The following EZH1 variants were observed in gnomAD, a reference collection of about 807,000 sequenced individuals.
The protein encoded by EZH1 is enhancer of zeste 1 polycomb repressive complex 2 subunit.
A neutral mutation model predicts 100.5 loss-of-function variants in EZH1; 33 were observed. That is an observed-to-expected ratio of 0.33 (90% CI 0.25 to 0.44). The LOEUF (loss-of-function observed/expected upper bound fraction) is 0.44. Among genes scored for constraint, EZH1 ranks in the 20% least tolerant of loss-of-function variants. EZH1 has a pLI of 1.00. For missense variants in EZH1, 475 were observed against 928.4 expected (o/e 0.51, Z 6.35); for synonymous variants, 272 against 313.8 (o/e 0.87, Z 1.41).
intron 1 of EZH1, among the ~76,000 whole-genome samples, chr17:42,733,366 G>A (rs1163626578): frequency 2.0e-5 from 3 of 151,006 alleles, no homozygotes; most frequent in Non-Finnish European, 2.9e-5. Context: ...GTCTGGGCGC[G>A]GTGGCTCACG....
chr17:42,717,848 G>C (rs1406242836), intron 10 of EZH1, 128 bp downstream of exon 10: 2 of 748,100 alleles, frequency 2.7e-6, no homozygotes, highest in Non-Finnish European at 4.5e-6. Flanking sequence ...ACAGTAACTG[G>C]GGAGCTCCTT....
At chr17:42,714,588 G>A in intron 10 of EZH1, 1 of 322,032 alleles carries the variant, frequency 3.1e-6, no homozygotes, top group South Asian at 3.1e-5. Flanking sequence ...TCCTTAGCAA[G>A]CAGCAGAAAA....
At position 42,722,390 on chromosome 17, in the gene EZH1, C is replaced by A. The variant is rs141212326; in HGVS notation, c.487+405G>T. Among the ~76,000 whole-genome samples, 473 of 151,578 alleles carry A rather than the reference C, an allele frequency of 3.1e-3. 4 individuals are homozygous for A. The highest frequency in any genetic ancestry group is 0.011 in the African/African-American group (457 of 41,334). On this transcript the variant is annotated intron_variant, in intron 6 of 20. Coordinates refer to ENST00000428826, the MANE Select transcript of EZH1 (RefSeq NM_001991.5). ...CTATAATCCCAGCACTTTAGGAGGC[C>A]GAGATAGGTGGATCACCTGAGGTCA...
At chr17:42,717,751 C>T (rs1163634752) in intron 10 of EZH1, among the ~76,000 whole-genome samples, 3 of 152,166 alleles carry the variant, frequency 2.0e-5, no homozygotes, top group Non-Finnish European at 2.9e-5. Flanking sequence ...TTAGAGCAGG[C>T]AAGCCTTTAA....
intron 1 of EZH1, among the ~76,000 whole-genome samples, chr17:42,732,973 A>C (rs866642718): frequency 3.3e-5 from 5 of 149,408 alleles, no homozygotes; most frequent in African/African-American, 9.9e-5. Context: ...CATGCCTATA[A>C]TTTCAACACT....
In EZH1 at chr17:42,744,994, C is replaced by G. The variant is rs1003094448; in HGVS notation, c.-103+17G>C. On this transcript the variant is annotated intron_variant, in intron 1 of 20. Coordinates refer to ENST00000428826, the MANE Select transcript of EZH1 (RefSeq NM_001991.5). ...GCCCGGCCCCACCGCCCGGCCCAGG[C>G]TTGTTTACTCACTCACCCTCCATCC... 8.8e-5 allele frequency: 112 copies of G among 1,274,686 alleles called. No homozygotes were observed. In the African/African-American group the frequency reaches 1.6e-3, roughly 18 times the overall value. The allele number at this position is 1,274,686 out of a possible 1,614,324, so 79.0% of individuals were successfully genotyped here. A position where few individuals can be genotyped will look rare whatever the true frequency, so the allele number is the denominator to read the frequency against.
At chr17:42,730,542 G>A (rs2053922321) in intron 2 of EZH1, among the ~76,000 whole-genome samples, 1 of 131,532 alleles carries the variant, frequency 7.6e-6, no homozygotes, top group African/African-American at 3.0e-5. Flanking sequence ...TGTCGCCCAG[G>A]CTGGAGTGCA....
rs773788984 is a variant in EZH1, at chr17:42,720,357, G to A, written c.580C>T (p.His194Tyr). 1 of 1,614,018 alleles carries A rather than the reference G, an allele frequency of 6.2e-7. No individual in the cohort carries two copies. Among genetic ancestry groups the A allele is most frequent in the Non-Finnish European group, 8.5e-7 (1 of 1,180,036 alleles). The change falls in exon 7 of 21, where the codon CAC (histidine) becomes TAC (tyrosine). Residue 194 changes from histidine (H) to tyrosine (Y), a missense_variant. Transcript: ENST00000428826. ...TGCTTTCCATCTGAGGTGTCATTGT[G>A]CCCTTCCTCCTCCTCATCTGAGTAC... ...NQYSDEEEEG[H>Y]NDTSDGKQDD...
chr17:42,715,182 TA>T (rs2053577154), intron 10 of EZH1, among the ~76,000 whole-genome samples: 1 of 140,192 alleles, frequency 7.1e-6, no homozygotes, highest in African/African-American at 2.6e-5. Flanking sequence ...ATATAATATA[TA>T]TCATAGATTA....
In EZH1 at chr17:42,705,998, A is replaced by G; in HGVS notation, c.1839+9T>C. 6.2e-7 allele frequency: 1 copy of G among 1,605,864 alleles called. No individual in the cohort carries two copies. The highest frequency in any genetic ancestry group is 8.5e-7 in the Non-Finnish European group (1 of 1,175,570). On this transcript the variant is annotated intron_variant, in intron 16 of 20. Transcript: ENST00000428826. ...TTATGTGGTGTGGGGTCCTGAGGAA[A>G]GGCCTCACCTTCTTAAGTCCACGCT...
Position 42,718,034 on chromosome 17 carries a change from T to C in EZH1, c.965A>G (p.Lys322Arg). 6.2e-7 allele frequency: 1 copy of C among 1,614,214 alleles called. No individual in the cohort carries two copies. The highest frequency in any genetic ancestry group is 8.5e-7 in the Non-Finnish European group (1 of 1,180,024). ...FHATPNVYKR[K>R]NKEIKIEPEP... ...TGGTTCAATCTTGATTTCTTTATTC[T>C]TGCGTTTATATACATTAGGGGTGGC... The change falls in exon 10 of 21, where the codon AAG (lysine) becomes AGG (arginine). Residue 322 changes from lysine to arginine, a missense_variant. Coordinates refer to ENST00000428826, the MANE Select transcript of EZH1 (RefSeq NM_001991.5). The surrounding 1 kb of genome is among the most constrained non-coding windows in gnomAD (Gnocchi z 4.2).
At chr17:42,708,355 C>A (rs958606392) in intron 14 of EZH1, among the ~76,000 whole-genome samples, 1 of 152,078 alleles carries the variant, frequency 6.6e-6, no homozygotes, top group African/African-American at 2.4e-5. Flanking sequence ...AAATGGCACA[C>A]TAGAAAAGTC....
At chr17:42,714,996 A>T (rs1459197544) in intron 10 of EZH1, among the ~76,000 whole-genome samples, 2 of 139,124 alleles carry the variant, frequency 1.4e-5, no homozygotes, top group African/African-American at 5.3e-5. Context: ...TTTATATATA[A>T]TTTATATAAA....
At chr17:42,708,217 G>A in intron 14 of EZH1, 134 bp from the exon 15 acceptor site, 1 of 1,069,486 alleles carries the variant, frequency 9.4e-7, no homozygotes, top group Non-Finnish European at 1.3e-6. Context: ...AGCACCTGAA[G>A]TGAGAAGACA....
chr17:42,733,688 T>C (rs2054003916), intron 1 of EZH1, among the ~76,000 whole-genome samples: 2 of 134,346 alleles, frequency 1.5e-5, no homozygotes, highest in South Asian at 4.8e-4. Flanking sequence ...ACGTCTGTAA[T>C]CTCAGCACTT....
chr17:42,735,970 G>A (rs577308882), intron 1 of EZH1, among the ~76,000 whole-genome samples: 31 of 151,846 alleles, frequency 2.0e-4, no homozygotes, highest in African/African-American at 6.8e-4. Context: ...GGGAGACAGC[G>A]AGACTCCGTC....
At chr17:42,726,558 C>G (rs1193652754) in intron 4 of EZH1, among the ~76,000 whole-genome samples, 2 of 151,458 alleles carry the variant, frequency 1.3e-5, no homozygotes, top group Non-Finnish European at 2.9e-5. Flanking sequence ...GTTGCCCAGG[C>G]TGAAGTACAA....
intron 16 of EZH1, chr17:42,705,675 A>T (rs2053339007): frequency 5.4e-6 from 1 of 184,624 alleles, no homozygotes; most frequent in African/African-American, 2.4e-5. Context: ...ATGCACCACC[A>T]TGCCTGGCTA....
At chr17:42,707,863 G>T in intron 15 of EZH1, 95 bp downstream of exon 15, 3 of 1,455,702 alleles carry the variant, frequency 2.1e-6, no homozygotes, top group African/African-American at 1.4e-5. Context: ...ATATCAGAAG[G>T]CCATAAGCAG....
Sources: gnomAD v4.1 joint callset for allele counts (sites outside exome capture counted in the v4.1 genomes callset) on GRCh38, gnomAD v4.1.1 for gene constraint, Gnocchi (gnomAD v3.1) non-coding constraint, MANE v1.5 for transcripts, NCBI Gene and HGNC (gene_info 2026-07-23, HGNC 2026-07-21) for gene names.